CACNA1A: variants seen among roughly 807,000 people sequenced by gnomAD.
CACNA1A encodes the protein calcium voltage-gated channel subunit alpha1 A.
In CACNA1A, 57 loss-of-function variants were observed where a neutral mutation model predicts 262.4. That is an observed-to-expected ratio of 0.22 (90% CI 0.18 to 0.27). CACNA1A has a LOEUF of 0.27. CACNA1A is among the 10% of genes least tolerant of loss of function. The pLI is 1.00. For synonymous variants in CACNA1A, 1,431 were observed against 1,419.3 expected, an observed-to-expected ratio of 1.01 and a Z score of -0.18; for missense variants, 2,526 against 3,562.8, an observed-to-expected ratio of 0.71 and a Z score of 7.41.
chr19:13,433,779 T>C (rs973642917), intron 3 of CACNA1A, among the ~76,000 whole-genome samples: 1 of 152,162 alleles, frequency 6.6e-6, no homozygotes, highest in South Asian at 2.1e-4. Context: ...AATGGAATGG[T>C]TGCAGTGTGT....
At chr19:13,225,019 T>C in intron 37 of CACNA1A, 1 of 433,430 alleles carries the variant, frequency 2.3e-6, no homozygotes, top group Non-Finnish European at 4.2e-6. Context: ...CTGCTTGACC[T>C]GAGAGCTGGC....
chr19:13,455,323 C>T, intron 1 of CACNA1A, 111 bp from the exon 2 acceptor site: 1 of 641,574 alleles, frequency 1.6e-6, no homozygotes, highest in Non-Finnish European at 2.9e-6. Flanking sequence ...ATCCTTCCAA[C>T]TCATCAGCAC....
At chr19:13,237,982 A>G (rs970449197) in intron 31 of CACNA1A, among the ~76,000 whole-genome samples, 2 of 152,184 alleles carry the variant, frequency 1.3e-5, no homozygotes, top group African/African-American at 4.8e-5. Context: ...GAAGCTTGCA[A>G]CCATGCAAAA....
intron 19 of CACNA1A, among the ~76,000 whole-genome samples, chr19:13,296,950 G>T (rs2057677929): frequency 6.6e-6 from 1 of 151,520 alleles, no homozygotes; most frequent in African/African-American, 2.4e-5. Context: ...ATAGAGATGG[G>T]GTCTGCCTCT....
At chr19:13,419,969 C>G (rs1422919998) in intron 3 of CACNA1A, among the ~76,000 whole-genome samples, 1 of 151,798 alleles carries the variant, frequency 6.6e-6, no homozygotes, top group East Asian at 1.9e-4. Context: ...ACCTGTACTC[C>G]TAGCCACTCA....
intron 3 of CACNA1A, among the ~76,000 whole-genome samples, chr19:13,387,159 C>T (rs2059629521): frequency 6.6e-6 from 1 of 152,108 alleles, no homozygotes; most frequent in Non-Finnish European, 1.5e-5. Flanking sequence ...CCATGTTGGC[C>T]AGCCTGTTCT....
intron 38 of CACNA1A, among the ~76,000 whole-genome samples, chr19:13,222,394 CT>C (rs71168689): frequency 0.65 from 58,780 of 90,856 alleles, 17,797 homozygotes; most frequent in Middle Eastern, 0.82. Context: ...GCCTTCTCGG[CT>C]TTTTTTTTTT....
At chr19:13,344,318 A>G (rs2058724953) in intron 6 of CACNA1A, among the ~76,000 whole-genome samples, 1 of 152,192 alleles carries the variant, frequency 6.6e-6, no homozygotes, top group Admixed American at 6.5e-5. Flanking sequence ...AGCAGAAGAA[A>G]AGAAAGGTCA....
At chr19:13,491,670 A>G (rs948592831) in intron 1 of CACNA1A, among the ~76,000 whole-genome samples, 1 of 152,122 alleles carries the variant, frequency 6.6e-6, no homozygotes, top group African/African-American at 2.4e-5. Context: ...TTCGCTTTGA[A>G]ATAAAGGGGC....
chr19:13,375,384 G>A (rs2059387739), intron 3 of CACNA1A, among the ~76,000 whole-genome samples: 1 of 152,146 alleles, frequency 6.6e-6, no homozygotes, highest in South Asian at 2.1e-4. Flanking sequence ...TTAGGTCAGT[G>A]TATAACTGTA....
Position 13,245,089 on chromosome 19 carries a change from G to A in CACNA1A, c.4950+93C>T, listed in dbSNP as rs534886888. The A allele has an allele frequency of 1.9e-4, 203 of 1,051,078 alleles. 1 individual carries two copies. Among genetic ancestry groups the A allele is most frequent in the African/African-American group, 1.4e-3 (93 of 64,150 alleles). 65.1% of individuals were successfully genotyped at this position (1,051,078 alleles called of 1,614,324 possible). ...GCTGGCTCAAGCAGCTATGGCTTCCGGGACACACTGCCTCTGGGACCGCTC... is the reference window on the plus strand; with the variant it reads ...GCTGGCTCAAGCAGCTATGGCTTCCAGGACACACTGCCTCTGGGACCGCTC... On this transcript the variant is annotated intron_variant, in intron 31 of 46. Transcript: ENST00000360228.
At chr19:13,223,688 TC>T (rs1186710776) in intron 38 of CACNA1A, among the ~76,000 whole-genome samples, 1 of 152,170 alleles carries the variant, frequency 6.6e-6, no homozygotes, top group Non-Finnish European at 1.5e-5. Flanking sequence ...GCCCCGGGTG[TC>T]CTGTGTTCAC....
chr19:13,398,740 G>T lies in CACNA1A; in HGVS notation c.540-26961C>A, dbSNP rs374727415. Among the ~76,000 whole-genome samples the T allele has an allele frequency of 3.9e-5, 6 of 152,318 alleles. No individual in the cohort carries two copies. In the South Asian group the frequency reaches 1.2e-3, roughly 32 times the overall value. On this transcript the variant is annotated intron_variant, in intron 3 of 46. Transcript: ENST00000360228. Reference sequence around the variant, plus strand: ...AATTATATAAAAGCTCTTTCTTTTTGTGGACAGAGTGAGGATTCAACGTGA... The same window carrying T: ...AATTATATAAAAGCTCTTTCTTTTTTTGGACAGAGTGAGGATTCAACGTGA...
chr19:13,294,606 G>C (rs2057624236), intron 19 of CACNA1A, among the ~76,000 whole-genome samples: 1 of 148,750 alleles, frequency 6.7e-6, no homozygotes, highest in Admixed American at 6.9e-5. Context: ...TTGTGCCTCA[G>C]CCTCCTGAGT....
intron 6 of CACNA1A, among the ~76,000 whole-genome samples, chr19:13,338,120 C>G (rs1418647188): frequency 3.3e-5 from 5 of 152,016 alleles, no homozygotes; most frequent in African/African-American, 1.2e-4. Context: ...GAGGCTGAGG[C>G]AGGAGAATGG....
rs188450713 is a variant in CACNA1A at position 13,361,631 on chromosome 19, C to T, written c.785-1832G>A. Among the ~76,000 whole-genome samples the T allele has an allele frequency of 2.7e-3, 410 of 152,302 alleles. 2 individuals carry two copies. The highest frequency in any genetic ancestry group is 4.8e-3 in the Non-Finnish European group (328 of 68,030). On this transcript the variant is annotated intron_variant, in intron 5 of 46. Coordinates refer to ENST00000360228, the MANE Select transcript of CACNA1A (RefSeq NM_001127222.2). ...GAGCACACAGCAGAGGGAAATAAAC[C>T]AATGCTGAATGAATGAATCTTGTTG... is the stretch of plus-strand genomic sequence containing the variant.
intron 24 of CACNA1A, among the ~76,000 whole-genome samples, chr19:13,268,551 A>C (rs2056925422): frequency 1.3e-5 from 2 of 150,448 alleles, no homozygotes; most frequent in South Asian, 4.2e-4. Flanking sequence ...CTCCTTCCTC[A>C]GCCTCCCGAG....
intron 10 of CACNA1A, among the ~76,000 whole-genome samples, chr19:13,330,022 T>C (rs936456065): frequency 2.0e-5 from 3 of 152,190 alleles, no homozygotes; most frequent in African/African-American, 7.2e-5. Context: ...CCATGCTTCA[T>C]GGGGATCATT....
chr19:13,359,471 G>A, intron 6 of CACNA1A, 135 bp downstream of exon 6: 1 of 645,688 alleles, frequency 1.5e-6, no homozygotes. Context: ...GCCAGCTTCA[G>A]TGGGGCTGTG....
Sources: allele counts gnomAD v4.1 joint callset (sites outside exome capture counted in the v4.1 genomes callset), GRCh38; gene constraint gnomAD v4.1.1; transcripts MANE v1.5; gene names NCBI Gene and HGNC (gene_info 2026-07-23, HGNC 2026-07-21).